The following NOP16 variants were observed in gnomAD, a reference collection of about 807,000 sequenced individuals.
NOP16 encodes the protein nucleolar protein 16.
In NOP16, 14 loss-of-function variants were observed where a neutral mutation model predicts 22.7. The ratio of observed to expected loss-of-function variants is 0.62; its 90% CI spans 0.41 to 0.97. The LOEUF (loss-of-function observed/expected upper bound fraction) is 0.97, where lower values mean the gene tolerates loss of function less well. NOP16 is among the 50% of genes least tolerant of loss of function. NOP16 has a pLI of 0.00. For synonymous variants in NOP16, 80 were observed against 83.6 expected (o/e 0.96, Z 0.23); for missense variants, 198 against 235.9 (o/e 0.84, Z 1.05).
intron 2 of NOP16, among the ~76,000 whole-genome samples, chr5:176,387,250 TTG>T (rs1367736880): frequency 6.7e-6 from 1 of 149,164 alleles, no homozygotes; most frequent in African/African-American, 2.5e-5. Context: ...CAGCTAAATT[TTG>T]TGTTTTTAGT....
Position 176,388,465 on chromosome 5 carries a change from A to G in NOP16, c.75T>C (p.Asn25=). The G allele has an allele frequency of 6.2e-7, 1 of 1,614,202 alleles. No individual in the cohort carries two copies. Among genetic ancestry groups the G allele is most frequent in the South Asian group, 1.1e-5 (1 of 91,084 alleles). ...TCCGCGGCGCTGCCTTCCGTCGAGCATTCCGGTTCAGACGCTTTCGGTTGA... is the reference window on the plus strand; with the variant it reads ...TCCGCGGCGCTGCCTTCCGTCGAGCGTTCCGGTTCAGACGCTTTCGGTTGA... The part of the protein sequence containing the change: ...YSVNRKRLNR[N]ARRKAAPRIE... Residue 25 remains asparagine (N), a synonymous_variant, in exon 1 of 5, where the codon AAT becomes AAC. Transcript: ENST00000614830.
intron 2 of NOP16, 50 bp downstream of exon 2, chr5:176,388,185 G>T (rs1198102240): frequency 7.3e-7 from 1 of 1,369,016 alleles, no homozygotes; most frequent in Non-Finnish European, 1.0e-6. Flanking sequence ...GGTCAGTATG[G>T]CGGGGGAAGA....
At position 176,384,393 on chromosome 5, in the gene NOP16, C is replaced by T; in HGVS notation, c.394-19G>A. On this transcript the variant is annotated intron_variant, in intron 4 of 4. Coordinates refer to ENST00000614830, the MANE Select transcript of NOP16 (RefSeq NM_016391.8). ...CCATGGCCTAAGAGGAGAAGGGCTA[C>T]TTTAAGGAGGGCTAGACAGGCAAAG... 1 of 1,603,304 alleles carries T rather than the reference C, an allele frequency of 6.2e-7. No homozygotes were observed. Among genetic ancestry groups the T allele is most frequent in the Non-Finnish European group, 8.5e-7 (1 of 1,174,176 alleles).
chr5:176,386,572 C>A (rs990238524), intron 3 of NOP16: 15 of 518,550 alleles, frequency 2.9e-5, no homozygotes, highest in African/African-American at 2.5e-4. Context: ...CAGAGATTTA[C>A]TGGTTTCTCT....
chr5:176,385,338 G>C lies in NOP16; in HGVS notation c.287-11C>G. On this transcript the variant is annotated splice_polypyrimidine_tract_variant and intron_variant, in intron 3 of 4. Transcript: ENST00000614830. ...CTTCTGCCTCCAGGTCTGGAGTGAT[G>C]AGAGAAGCGGGGAGACAGGGAATGA... The C allele has an allele frequency of 6.7e-7, 1 of 1,485,848 alleles. No homozygotes were observed. The highest frequency in any genetic ancestry group is 2.3e-5 in the East Asian group (1 of 44,312). The allele number at this position is 1,485,848 out of a possible 1,614,324, so 92.0% of individuals were successfully genotyped here.
At position 176,385,308 on chromosome 5, in the gene NOP16, G is replaced by T; in HGVS notation, c.306C>A (p.Ser102Arg). ...YVLNDLEAEASLPEKKGNTLS... is the reference protein window; with the variant it reads ...YVLNDLEAEARLPEKKGNTLS... ...GAGTATTTCCTTTCTTTTCTGGAAG[G>T]CTGGCTTCTGCCTCCAGGTCTGGAG... Residue 102 changes from serine to arginine, a missense_variant, in exon 4 of 5, where the codon AGC (serine) becomes AGA (arginine). Physicochemically the swap from Ser to Arg is moderately radical, Grantham distance 110. Coordinates refer to ENST00000614830, the MANE Select transcript of NOP16 (RefSeq NM_016391.8). The T allele has an allele frequency of 6.2e-7, 1 of 1,608,220 alleles. No homozygotes were observed. The highest frequency in any genetic ancestry group is 8.5e-7 in the Non-Finnish European group (1 of 1,174,608).
Position 176,384,149 on chromosome 5 carries a change from G to GCA in NOP16, c.*80_*81dup, listed in dbSNP as rs895310462. ...TGGCCAGCTCCTCTGGAGCCACACAGCACCTCCTTGCCTTACACCCTGGCT... is the reference window on the plus strand; with the variant it reads ...TGGCCAGCTCCTCTGGAGCCACACAGCACACCTCCTTGCCTTACACCCTGGCT... On this transcript the variant is annotated 3_prime_UTR_variant, in exon 5 of 5. Coordinates refer to ENST00000614830, the MANE Select transcript of NOP16 (RefSeq NM_016391.8). 6.2e-7 allele frequency: 1 copy of GCA among 1,613,370 alleles called. No individual in the cohort carries two copies. Among genetic ancestry groups the GCA allele is most frequent in the Admixed American group, 1.7e-5 (1 of 60,022 alleles).
Position 176,386,297 on chromosome 5 carries a change from A to C in NOP16, c.286+543T>G, listed in dbSNP as rs868204283. 3 of 180,092 alleles carry C rather than the reference A, an allele frequency of 1.7e-5. No individual in the cohort carries two copies. The South Asian group carries it at 3.7e-4, about 22-fold the overall frequency. The allele number at this position is 180,092 out of a possible 1,614,324, so 11.2% of individuals were successfully genotyped here. The stretch of plus-strand genomic sequence containing the variant: ...CACTGAGATAAAAGACAGGAACTCA[A>C]GGAATTCTGTATCAAATGTCTGGCC... On this transcript the variant is annotated intron_variant, in intron 3 of 4. Coordinates refer to ENST00000614830, the MANE Select transcript of NOP16 (RefSeq NM_016391.8).
At chr5:176,384,989 T>C (rs1755715184) in intron 4 of NOP16, 1 of 575,936 alleles carries the variant, frequency 1.7e-6, no homozygotes, top group Non-Finnish European at 3.1e-6. Flanking sequence ...AAAAACACCA[T>C]GCGAGCAAAA....
At chr5:176,387,438 T>G (rs1755957248) in intron 2 of NOP16, among the ~76,000 whole-genome samples, 1 of 152,242 alleles carries the variant, frequency 6.6e-6, no homozygotes, top group Admixed American at 6.5e-5. Context: ...GTTAACCTAA[T>G]GAATGGGCTT....
chr5:176,386,812 C>A, intron 3 of NOP16, 28 bp downstream of exon 3: 1 of 1,601,360 alleles, frequency 6.2e-7, no homozygotes, highest in Non-Finnish European at 8.6e-7. Context: ...AGGACAGTGA[C>A]CTAAAGGAAT....
chr5:176,385,461 C>T, intron 3 of NOP16, 134 bp from the exon 4 acceptor site: 1 of 623,180 alleles, frequency 1.6e-6, no homozygotes, highest in African/African-American at 1.8e-5. Flanking sequence ...GTCTTTGCCT[C>T]CCCATTCCCA....
chr5:176,385,401 C>T (rs1755762572), intron 3 of NOP16, 74 bp from the exon 4 acceptor site: 2 of 893,350 alleles, frequency 2.2e-6, no homozygotes, highest in Middle Eastern at 2.4e-4. Flanking sequence ...GTCCAATCAC[C>T]CCTTCACCCA....
chr5:176,388,575 G>C lies in NOP16; in HGVS notation c.-36C>G, dbSNP rs753723748. The C allele has an allele frequency of 1.3e-6, 2 of 1,566,272 alleles. No individual in the cohort carries two copies. The highest frequency in any genetic ancestry group is 1.8e-6 in the Non-Finnish European group (2 of 1,140,668). Reference sequence around the variant, plus strand: ...ACCGCACCAGCAGCTCAAACACGCTGCCTCTGTCTCTCAGACCTCGTGTAA... The same window carrying C: ...ACCGCACCAGCAGCTCAAACACGCTCCCTCTGTCTCTCAGACCTCGTGTAA... On this transcript the variant is annotated 5_prime_UTR_variant, in exon 1 of 5. Transcript: ENST00000614830.
intron 3 of NOP16, chr5:176,386,126 G>A (rs1201934620): frequency 6.5e-6 from 1 of 155,036 alleles, no homozygotes; most frequent in Non-Finnish European, 1.4e-5. Flanking sequence ...ATCCTTTACT[G>A]AACAGTGCAC....
rs753723748 is a variant in NOP16 at position 176,388,575 on chromosome 5, G to T, written c.-36C>A. 6.4e-6 allele frequency: 10 copies of T among 1,566,272 alleles called. No homozygotes were observed. The highest frequency in any genetic ancestry group is 2.2e-5 in the South Asian group (2 of 89,228). On this transcript the variant is annotated 5_prime_UTR_variant, in exon 1 of 5. Coordinates refer to ENST00000614830, the MANE Select transcript of NOP16 (RefSeq NM_016391.8). Reference sequence around the variant, plus strand: ...ACCGCACCAGCAGCTCAAACACGCTGCCTCTGTCTCTCAGACCTCGTGTAA... The same window carrying T: ...ACCGCACCAGCAGCTCAAACACGCTTCCTCTGTCTCTCAGACCTCGTGTAA...
intron 4 of NOP16, 139 bp from the exon 5 acceptor site, chr5:176,384,513 AC>A: frequency 1.2e-6 from 1 of 801,010 alleles, no homozygotes; most frequent in Non-Finnish European, 2.0e-6. Context: ...TGCACCGGGC[AC>A]AGTGGCTCAT....
In NOP16 at chr5:176,388,596, T is replaced by A; in HGVS notation, c.-57A>T. 1 of 1,498,856 alleles carries A rather than the reference T, an allele frequency of 6.7e-7. No individual in the cohort carries two copies. The highest frequency in any genetic ancestry group is 9.2e-7 in the Non-Finnish European group (1 of 1,086,100). 92.8% of individuals were successfully genotyped at this position (1,498,856 alleles called of 1,614,324 possible). A position where few individuals can be genotyped will look rare whatever the true frequency, so the allele number is the denominator to read the frequency against. On this transcript the variant is annotated 5_prime_UTR_variant, in exon 1 of 5. Transcript: ENST00000614830. Reference sequence around the variant, plus strand: ...CGCTGCCTCTGTCTCTCAGACCTCGTGTAACAAACTCCTTCCGGAAGGCGT... The same window carrying A: ...CGCTGCCTCTGTCTCTCAGACCTCGAGTAACAAACTCCTTCCGGAAGGCGT...
At chr5:176,386,758 C>G in intron 3 of NOP16, 82 bp downstream of exon 3, 1 of 1,253,864 alleles carries the variant, frequency 8.0e-7, no homozygotes. Context: ...TCTCCATCTG[C>G]AAAATGAGGA....
Sources: allele counts gnomAD v4.1 joint callset (sites outside exome capture counted in the v4.1 genomes callset), GRCh38; gene constraint gnomAD v4.1.1; transcripts MANE v1.5; gene names NCBI Gene and HGNC (gene_info 2026-07-23, HGNC 2026-07-21).